The following ADAMTS12 variants were observed in gnomAD, a reference collection of about 807,000 sequenced individuals.
The protein encoded by ADAMTS12 is A disintegrin and metalloproteinase with thrombospondin motifs 12.
A neutral mutation model predicts 167.8 loss-of-function variants in ADAMTS12; 118 were observed. The ratio of observed to expected loss-of-function variants is 0.70; its 90% CI spans 0.61 to 0.82. The LOEUF (loss-of-function observed/expected upper bound fraction) is 0.82. ADAMTS12 is among the 40% of genes least tolerant of loss of function. ADAMTS12 has a pLI of 0.00. For missense variants in ADAMTS12, 1,916 were observed against 1,998.8 expected (o/e 0.96, Z 0.79); for synonymous variants, 704 against 716.9 (o/e 0.98, Z 0.29).
intron 6 of ADAMTS12, among the ~76,000 whole-genome samples, chr5:33,660,606 T>C (rs1741224261): frequency 6.6e-6 from 1 of 152,192 alleles, no homozygotes; most frequent in Non-Finnish European, 1.5e-5. Flanking sequence ...TGCCATTCCC[T>C]GACTCTGGGG....
intron 5 of ADAMTS12, among the ~76,000 whole-genome samples, chr5:33,673,238 G>A (rs543611427): frequency 6.6e-6 from 1 of 152,054 alleles, no homozygotes; most frequent in South Asian, 2.1e-4. Flanking sequence ...CTCTCAATCA[G>A]TCATATTTTT....
At chr5:33,828,431 T>C (rs1268640324) in intron 2 of ADAMTS12, among the ~76,000 whole-genome samples, 2 of 152,204 alleles carry the variant, frequency 1.3e-5, no homozygotes, top group South Asian at 2.1e-4. Context: ...ACTCTTCAGG[T>C]ATCTCTTACT....
Position 33,877,675 on chromosome 5 carries a change from C to T in ADAMTS12, c.489+3444G>A, listed in dbSNP as rs141592915. Among the ~76,000 whole-genome samples the T allele has an allele frequency of 1.7e-3, 259 of 152,290 alleles. 2 individuals are homozygous for T. The highest frequency in any genetic ancestry group is 5.8e-3 in the African/African-American group (240 of 41,562). On this transcript the variant is annotated intron_variant, in intron 2 of 23. Coordinates refer to ENST00000504830, the MANE Select transcript of ADAMTS12 (RefSeq NM_030955.4). The stretch of plus-strand genomic sequence containing the variant: ...AGAGGACAGCTGCTGAGCCGAGACA[C>T]GGGCTGACTCAGTCTGGGAGCAGCC...
rs556898491 is a variant in ADAMTS12, at chr5:33,891,966, G to T, written c.-110C>A. The T allele has an allele frequency of 3.1e-4, 432 of 1,408,910 alleles. 9 individuals are homozygous for T. In the South Asian group the frequency reaches 4.6e-3, roughly 15 times the overall value. 87.3% of individuals were successfully genotyped at this position (1,408,910 alleles called of 1,614,324 possible). On this transcript the variant is annotated 5_prime_UTR_variant, in exon 1 of 24. Coordinates refer to ENST00000504830, the MANE Select transcript of ADAMTS12 (RefSeq NM_030955.4). Reference sequence around the variant, plus strand: ...AAGATGCAGGGGTGCATGGTCAGGCGCGAGAAGGCAGCGACTGCAAAGCTG... The same window carrying T: ...AAGATGCAGGGGTGCATGGTCAGGCTCGAGAAGGCAGCGACTGCAAAGCTG...
At chr5:33,686,144 G>A (rs1056892163) in intron 3 of ADAMTS12, among the ~76,000 whole-genome samples, 5 of 152,170 alleles carry the variant, frequency 3.3e-5, no homozygotes, top group Non-Finnish European at 7.4e-5. Flanking sequence ...TTGTGTGTGA[G>A]GGTGACTGGC....
At chr5:33,705,508 A>G (rs948840291) in intron 3 of ADAMTS12, among the ~76,000 whole-genome samples, 11 of 152,188 alleles carry the variant, frequency 7.2e-5, no homozygotes, top group African/African-American at 2.6e-4. Context: ...TCATTTTCTT[A>G]TATGCTAATA....
chr5:33,657,799 A>G (rs1335982560), intron 7 of ADAMTS12, among the ~76,000 whole-genome samples: 1 of 152,216 alleles, frequency 6.6e-6, no homozygotes, highest in Non-Finnish European at 1.5e-5. Flanking sequence ...AGTAAGGTGC[A>G]AAAATGTTAG....
chr5:33,645,725 CAT>C (rs923250596), intron 9 of ADAMTS12, among the ~76,000 whole-genome samples: 13 of 152,188 alleles, frequency 8.5e-5, no homozygotes, highest in African/African-American at 3.1e-4. Context: ...AAAGTTATAA[CAT>C]GGATAATGCT....
At chr5:33,747,059 CCT>C (rs1217298131) in intron 3 of ADAMTS12, among the ~76,000 whole-genome samples, 1 of 152,140 alleles carries the variant, frequency 6.6e-6, no homozygotes, top group Non-Finnish European at 1.5e-5. Flanking sequence ...TGATTGAACC[CCT>C]GACTGGCACA....
Position 33,576,958 on chromosome 5 carries a change from G to A in ADAMTS12, c.3068C>T (p.Pro1023Leu). 1.9e-6 allele frequency: 3 copies of A among 1,614,228 alleles called. No homozygotes were observed. Among genetic ancestry groups the A allele is most frequent in the Non-Finnish European group, 1.7e-6 (2 of 1,180,038 alleles). ...CATTCTGGGCCTGGATGTAGGTGGA[G>A]GGACGGGCTTTAGTGTTGGTGGGTT... is the stretch of plus-strand genomic sequence containing the variant. ...GKNPPTLKPV[P>L]PPTSRPRMLT... The change falls in exon 19 of 24, where the codon CCT becomes CTT. Residue 1023 changes from proline (P) to leucine (L), a missense_variant. Pro to Leu is a moderately conservative substitution (Grantham distance 98). Transcript: ENST00000504830.
chr5:33,674,509 A>G (rs1384322769), intron 5 of ADAMTS12, among the ~76,000 whole-genome samples: 2 of 152,328 alleles, frequency 1.3e-5, no homozygotes, highest in East Asian at 3.9e-4. Flanking sequence ...CTTTATGTCC[A>G]TAATAATAAA....
chr5:33,753,081 AC>A (rs1180570498), intron 2 of ADAMTS12, among the ~76,000 whole-genome samples: 1 of 152,330 alleles, frequency 6.6e-6, no homozygotes, highest in Non-Finnish European at 1.5e-5. Flanking sequence ...GGTCATGCAA[AC>A]TTTTTGAGGC....
At chr5:33,581,189 A>C (rs1399927861) in intron 18 of ADAMTS12, among the ~76,000 whole-genome samples, 1 of 152,270 alleles carries the variant, frequency 6.6e-6, no homozygotes, top group Non-Finnish European at 1.5e-5. Context: ...AGATAAATGC[A>C]GTACACAACG....
intron 3 of ADAMTS12, among the ~76,000 whole-genome samples, chr5:33,727,774 C>G (rs1382482803): frequency 6.6e-6 from 1 of 152,214 alleles, no homozygotes; most frequent in Non-Finnish European, 1.5e-5. Context: ...ACAGACCATC[C>G]TATCGTCTCC....
chr5:33,659,982 G>A (rs1395716472), intron 6 of ADAMTS12, among the ~76,000 whole-genome samples: 1 of 152,194 alleles, frequency 6.6e-6, no homozygotes, highest in South Asian at 2.1e-4. Context: ...TCAGAGCTTG[G>A]AGGAGAGTGC....
intron 17 of ADAMTS12, among the ~76,000 whole-genome samples, 189 bp from the exon 18 acceptor site, chr5:33,588,998 G>C (rs1275919435): frequency 1.3e-5 from 2 of 152,216 alleles, no homozygotes; most frequent in African/African-American, 4.8e-5. Flanking sequence ...TAGCTCTGCA[G>C]GGCGCCTGGC....
intron 5 of ADAMTS12, among the ~76,000 whole-genome samples, chr5:33,671,196 G>A (rs998051671): frequency 6.6e-6 from 1 of 152,190 alleles, no homozygotes; most frequent in Admixed American, 6.5e-5. Context: ...GTATGAAAGG[G>A]TAGCACAAGG....
chr5:33,716,162 T>C (rs1743607983), intron 3 of ADAMTS12, among the ~76,000 whole-genome samples: 1 of 152,080 alleles, frequency 6.6e-6, no homozygotes, highest in Non-Finnish European at 1.5e-5. Flanking sequence ...ATTAGTGCCC[T>C]TATAAAAGAG....
chr5:33,886,683 A>C (rs1202312500), intron 1 of ADAMTS12, among the ~76,000 whole-genome samples: 2 of 152,126 alleles, frequency 1.3e-5, no homozygotes, highest in Non-Finnish European at 2.9e-5. Context: ...TTGTTGGGCA[A>C]AGTGATGAGG....
Sources: allele counts gnomAD v4.1 joint callset (sites outside exome capture counted in the v4.1 genomes callset), GRCh38; gene constraint gnomAD v4.1.1; transcripts MANE v1.5; gene names NCBI Gene and HGNC (gene_info 2026-07-23, HGNC 2026-07-21).